TSPAN33: variants seen among roughly 807,000 people sequenced by gnomAD.
TSPAN33 encodes tetraspanin 33, also known as tetraspanin-33.
In TSPAN33, 27 loss-of-function variants were observed where a neutral mutation model predicts 34.8. The ratio of observed to expected loss-of-function variants is 0.78; its 90% CI spans 0.57 to 1.07. The LOEUF is 1.07. Ranked by LOEUF, TSPAN33 falls within the 50% of genes least tolerant of loss-of-function variation. The probability of loss-of-function intolerance (pLI) is 0.00; values close to 1 mark genes in which losing one functional copy is unlikely to be tolerated. For missense variants in TSPAN33, 272 were observed against 324.9 expected (o/e 0.84, Z 1.25); for synonymous variants, 119 against 124.2 (o/e 0.96, Z 0.28).
At chr7:129,163,048 A>C (rs554312060) in intron 4 of TSPAN33, 141 bp downstream of exon 4, 11 of 712,536 alleles carry the variant, frequency 1.5e-5, no homozygotes, top group Non-Finnish European at 2.6e-5. Context: ...TTAGGGGTGA[A>C]TGAATAGCCT....
At chr7:129,150,970 A>G (rs1810585635) in intron 1 of TSPAN33, among the ~76,000 whole-genome samples, 1 of 152,178 alleles carries the variant, frequency 6.6e-6, no homozygotes, top group Non-Finnish European at 1.5e-5. Flanking sequence ...GGAGACAATC[A>G]TTATTGGTAG....
intron 4 of TSPAN33, 71 bp from the exon 5 acceptor site, chr7:129,164,403 G>A (rs1469523333): frequency 2.2e-6 from 3 of 1,341,196 alleles, no homozygotes; most frequent in East Asian, 2.3e-5. Flanking sequence ...CCTGTCTACT[G>A]TTATTTTTGC....
chr7:129,155,840 T>C (rs1481440088), intron 1 of TSPAN33, among the ~76,000 whole-genome samples: 7 of 152,114 alleles, frequency 4.6e-5, no homozygotes, highest in Non-Finnish European at 1.0e-4. Flanking sequence ...TCCTCCCACC[T>C]TAGCCTCCCA....
intron 1 of TSPAN33, among the ~76,000 whole-genome samples, chr7:129,152,411 T>A (rs1810608289): frequency 6.6e-6 from 1 of 152,178 alleles, no homozygotes. Flanking sequence ...GAAATGAAGT[T>A]GGCAGGGCAC....
intron 5 of TSPAN33, 135 bp from the exon 6 acceptor site, chr7:129,166,643 T>C (rs1793144828): frequency 9.2e-7 from 1 of 1,083,166 alleles, no homozygotes; most frequent in Non-Finnish European, 1.3e-6. Flanking sequence ...AGCTCAAAGT[T>C]TAAGGCTGTG....
intron 1 of TSPAN33, among the ~76,000 whole-genome samples, chr7:129,156,572 A>G (rs538987367): frequency 2.6e-5 from 4 of 152,246 alleles, no homozygotes; most frequent in Admixed American, 1.3e-4. Context: ...ACAGATGTGT[A>G]TTTTTTATTT....
rs1029534111 is a variant in TSPAN33, at chr7:129,165,830, A to C, written c.460-948A>C. ...GAGGCTGAGGTGCGAGAATAGCTTGAATTTGGGAGTTGGAGGTTGCAGTGA... is the reference window on the plus strand; with the variant it reads ...GAGGCTGAGGTGCGAGAATAGCTTGCATTTGGGAGTTGGAGGTTGCAGTGA... On this transcript the variant is annotated intron_variant, in intron 5 of 7. Transcript: ENST00000486685. This position sits in a 1 kb window ranked among gnomAD's most constrained non-coding sequence, Gnocchi z 4.5. Among the ~76,000 whole-genome samples the C allele has an allele frequency of 7.2e-5, 11 of 152,078 alleles. No homozygotes were observed. The highest frequency in any genetic ancestry group is 2.4e-4 in the African/African-American group (10 of 41,524).
intron 1 of TSPAN33, among the ~76,000 whole-genome samples, chr7:129,159,304 C>G (rs1375654202): frequency 1.3e-5 from 2 of 152,218 alleles, no homozygotes; most frequent in Non-Finnish European, 2.9e-5. Context: ...CGTGATCCAC[C>G]CGCTTTGGCC....
intron 1 of TSPAN33, among the ~76,000 whole-genome samples, chr7:129,154,677 G>A (rs1352424254): frequency 6.6e-6 from 1 of 152,148 alleles, no homozygotes; most frequent in African/African-American, 2.4e-5. Context: ...GAAGGTGGAG[G>A]TTGCAGTAAG....
In TSPAN33 at chr7:129,167,954, A is replaced by C; in HGVS notation, c.*80A>C. 5.2e-6 allele frequency: 8 copies of C among 1,543,794 alleles called. No homozygotes were observed. Among genetic ancestry groups the C allele is most frequent in the Middle Eastern group, 1.8e-4 (1 of 5,628 alleles). ...GCAGTGGGTGCTGAAAGCAGCACCA[A>C]ATGGAGATTTGGATTCCAGCCCCCC... is the stretch of plus-strand genomic sequence containing the variant. On this transcript the variant is annotated 3_prime_UTR_variant, in exon 8 of 8. Transcript: ENST00000486685. The surrounding 1 kb of genome is among the most constrained non-coding windows in gnomAD (Gnocchi z 4.6).
chr7:129,144,715 C>CGGGCGGGCCGGG lies in TSPAN33; in HGVS notation c.-266_-265insGGGCGGGCCGGG, dbSNP rs1563134288. ...GGGGCGGGCCGGGTTTCCTGGGCGCCTGGCTGGCCGGGCTGGTCCTGCGGC... is the reference window on the plus strand; with the variant it reads ...GGGGCGGGCCGGGTTTCCTGGGCGCCGGGCGGGCCGGGTGGCTGGCCGGGCTGGTCCTGCGGC... On this transcript the variant is annotated 5_prime_UTR_variant, in exon 1 of 8. Coordinates refer to ENST00000486685, the MANE Select transcript of TSPAN33 (RefSeq NM_178562.5). Among the ~76,000 whole-genome samples the CGGGCGGGCCGGG allele has an allele frequency of 6.6e-6, 1 of 151,914 alleles. No homozygotes were observed. Among genetic ancestry groups the CGGGCGGGCCGGG allele is most frequent in the South Asian group, 2.1e-4 (1 of 4,832 alleles).
In TSPAN33 at chr7:129,162,426, G is replaced by C. The variant is rs752391841; in HGVS notation, c.193G>C (p.Ala65Pro). ...AALACLAVDP[A>P]ILLIVVGVLM... ...CCTAGCCTGCCTGGCAGTGGACCCT[G>C]CCATCCTGCTGATCGTGGTGGGTGT... is the stretch of plus-strand genomic sequence containing the variant. Residue 65 changes from alanine to proline, a missense_variant, in exon 3 of 8, where the codon GCC (alanine) becomes CCC (proline). Ala to Pro is a conservative substitution (Grantham distance 27). Transcript: ENST00000486685. 1.4e-5 allele frequency: 22 copies of C among 1,613,666 alleles called. No individual in the cohort carries two copies. The Admixed American group carries it at 3.3e-4, about 24-fold the overall frequency.
At chr7:129,150,032 A>G (rs1240501287) in intron 1 of TSPAN33, among the ~76,000 whole-genome samples, 1 of 152,216 alleles carries the variant, frequency 6.6e-6, no homozygotes, top group East Asian at 1.9e-4. Context: ...TGCCTTGCCC[A>G]CTTCCCTCTG....
At chr7:129,147,151 GA>G (rs1810532449) in intron 1 of TSPAN33, among the ~76,000 whole-genome samples, 1 of 152,036 alleles carries the variant, frequency 6.6e-6, no homozygotes, top group Non-Finnish European at 1.5e-5. Context: ...CCCTACAGTA[GA>G]CTCATAAAAA....
intron 1 of TSPAN33, among the ~76,000 whole-genome samples, chr7:129,155,499 A>G (rs189662649): frequency 1.3e-5 from 2 of 152,350 alleles, no homozygotes; most frequent in Admixed American, 1.3e-4. Flanking sequence ...TATGTATCCC[A>G]TAAATACATA....
chr7:129,162,507 T>C lies in TSPAN33; in HGVS notation c.274T>C (p.Cys92Arg). The change falls in exon 3 of 8, where the codon TGC becomes CGC. Residue 92 changes from cysteine (C) to arginine (R), a missense_variant. Cys to Arg is a radical substitution (Grantham distance 180, BLOSUM62 -3). Transcript: ENST00000486685. ...GCIGSLRENI[C>R]LLQTFSLCLT... The stretch of plus-strand genomic sequence containing the variant: ...CATTGGGTCCCTCCGCGAGAACATC[T>C]GCCTCCTGCAGACGGTGAGTGGTCA... 1 of 1,613,310 alleles carries C rather than the reference T, an allele frequency of 6.2e-7. No homozygotes were observed. Among genetic ancestry groups the C allele is most frequent in the Non-Finnish European group, 8.5e-7 (1 of 1,180,020 alleles).
intron 1 of TSPAN33, among the ~76,000 whole-genome samples, chr7:129,149,946 G>A (rs367771889): frequency 2.4e-4 from 36 of 152,360 alleles, no homozygotes; most frequent in East Asian, 1.2e-3. Context: ...CTACTCCGGG[G>A]CCACAGGCTG....
chr7:129,158,911 C>T (rs185081831), intron 1 of TSPAN33, among the ~76,000 whole-genome samples: 8 of 151,794 alleles, frequency 5.3e-5, no homozygotes, highest in African/African-American at 1.9e-4. Context: ...CCACCATGCC[C>T]AGCTAATTTT....
chr7:129,145,026 T>C lies in TSPAN33; in HGVS notation c.46T>C (p.Ser16Pro). The part of the protein sequence containing the change: ...RAPAASGEEF[S>P]FVSPLVKYLL... ...GCCGGCCGCCTCCGGGGAGGAGTTC[T>C]CCTTCGTCAGCCCGCTGGTGAAATA... Residue 16 changes from serine to proline, a missense_variant, in exon 1 of 8, where the codon TCC (serine) becomes CCC (proline). Physicochemically the swap from Ser to Pro is moderately conservative, Grantham distance 74 (BLOSUM62 -1). Transcript: ENST00000486685. The C allele has an allele frequency of 1.4e-6, 1 of 722,466 alleles. No individual in the cohort carries two copies. The highest frequency in any genetic ancestry group is 2.9e-5 in the East Asian group (1 of 34,526). The allele number at this position is 722,466 out of a possible 1,614,324, so 44.8% of individuals were successfully genotyped here.
Sources: gnomAD v4.1 joint callset for allele counts (sites outside exome capture counted in the v4.1 genomes callset) on GRCh38, gnomAD v4.1.1 for gene constraint, Gnocchi (gnomAD v3.1) non-coding constraint, MANE v1.5 for transcripts, NCBI Gene and HGNC (gene_info 2026-07-23, HGNC 2026-07-21) for gene names.